The following GLYATL3 variants were observed in gnomAD, a reference collection of about 807,000 sequenced individuals.
GLYATL3 encodes the protein glycine-N-acyltransferase like 3.
In GLYATL3, 31 loss-of-function variants were observed where a neutral mutation model predicts 28.5. That is an observed-to-expected ratio of 1.09 (90% CI 0.82 to 1.47). The LOEUF (loss-of-function observed/expected upper bound fraction) is 1.47. Ranked by LOEUF, GLYATL3 falls within the 40% of genes most tolerant of loss-of-function variation. The pLI is 0.00. For synonymous variants in GLYATL3, 141 were observed against 140.2 expected (o/e 1.01, Z -0.04); for missense variants, 369 against 351.5 (o/e 1.05, Z -0.40).
Position 49,521,497 on chromosome 6 carries a change from T to C in GLYATL3, c.314-148T>C, listed in dbSNP as rs1384187569. On this transcript the variant is annotated intron_variant, in intron 4 of 5. Coordinates refer to ENST00000371197, the MANE Select transcript of GLYATL3 (RefSeq NM_001010904.2). ...AAACTTAGACAATAGCTGTAATAAT[T>C]TAGATGTAAGTATACAGTGGTTAGG... 8.6e-5 allele frequency: 48 copies of C among 558,884 alleles called. No individual in the cohort carries two copies. The Admixed American group carries it at 1.7e-3, about 19-fold the overall frequency. The allele number at this position is 558,884 out of a possible 1,614,324, so 34.6% of individuals were successfully genotyped here.
rs533801684 is a variant in GLYATL3, at chr6:49,512,689, G to C, written c.78+621G>C. 5.3e-5 allele frequency among the ~76,000 whole-genome samples: 8 copies of C among 152,268 alleles called. No homozygotes were observed. In the South Asian group the frequency reaches 1.7e-3, roughly 32 times the overall value. On this transcript the variant is annotated intron_variant, in intron 2 of 5. Transcript: ENST00000371197. Reference sequence around the variant, plus strand: ...TGCCTTTAAGAGCTGAATTTCTTGAGCAAGGAGACTGCCCTATGCCTGGTT... The same window carrying C: ...TGCCTTTAAGAGCTGAATTTCTTGACCAAGGAGACTGCCCTATGCCTGGTT...
chr6:49,511,991 ATGT>A lies in GLYATL3; in HGVS notation c.4_6del (p.Leu2?). 1.0e-5 allele frequency: 15 copies of A among 1,470,864 alleles called. No individual in the cohort carries two copies. Among genetic ancestry groups the A allele is most frequent in the Non-Finnish European group, 1.4e-5 (15 of 1,082,556 alleles). 91.1% of individuals were successfully genotyped at this position (1,470,864 alleles called of 1,614,324 possible). ...TGGAGTTGCAAGAGCTCTGGAAAAG[ATGT>A]TGGTGCTAAACTGTTCTACCAAATT... On this transcript the variant is annotated start_lost and inframe_deletion, in exon 2 of 6. Transcript: ENST00000371197.
Position 49,520,132 on chromosome 6 carries a change from A to G in GLYATL3, c.314-1513A>G, listed in dbSNP as rs557103328. Among the ~76,000 whole-genome samples, 10 of 152,322 alleles carry G rather than the reference A, an allele frequency of 6.6e-5. No homozygotes were observed. The East Asian group carries it at 1.9e-3, about 29-fold the overall frequency. On this transcript the variant is annotated intron_variant, in intron 4 of 5. Transcript: ENST00000371197. ...TAACTTGTAAAGAAGACAAAAGGACATGATCAAGAACACCATGAAGAGGCA... is the reference window on the plus strand; with the variant it reads ...TAACTTGTAAAGAAGACAAAAGGACGTGATCAAGAACACCATGAAGAGGCA...
At chr6:49,503,032 G>T (rs1018577878) in intron 1 of GLYATL3, among the ~76,000 whole-genome samples, 2 of 151,962 alleles carry the variant, frequency 1.3e-5, no homozygotes, top group African/African-American at 4.8e-5. Flanking sequence ...ATATATGGTG[G>T]TTTAACACAA....
chr6:49,506,793 C>CTA (rs1423082586), intron 1 of GLYATL3, among the ~76,000 whole-genome samples: 2 of 152,134 alleles, frequency 1.3e-5, no homozygotes, highest in Non-Finnish European at 2.9e-5. Flanking sequence ...GGCCACTGCT[C>CTA]TACCCAAACA....
intron 5 of GLYATL3, among the ~76,000 whole-genome samples, chr6:49,522,003 A>G (rs985071172): frequency 6.6e-6 from 1 of 152,122 alleles, no homozygotes; most frequent in Non-Finnish European, 1.5e-5. Context: ...ATTTGTCCAT[A>G]GTTATAAATG....
rs925710047 is a variant in GLYATL3 at position 49,509,936 on chromosome 6, C to T, written c.-28-2027C>T. On this transcript the variant is annotated intron_variant, in intron 1 of 5. Transcript: ENST00000371197. ...TAATTATTTTTCTTGATATATTTTACGTATTTTCTTTCTCTTTCTTTCTTT... is the reference window on the plus strand; with the variant it reads ...TAATTATTTTTCTTGATATATTTTATGTATTTTCTTTCTCTTTCTTTCTTT... 2.5e-4 allele frequency among the ~76,000 whole-genome samples: 27 copies of T among 108,706 alleles called. 1 individual carries two copies. Among genetic ancestry groups the T allele is most frequent in the Admixed American group, 1.1e-3 (13 of 11,746 alleles). The allele number at this position is 108,706 out of a possible 152,430, so 71.3% of individuals were successfully genotyped here. A position where few individuals can be genotyped will look rare whatever the true frequency, so the allele number is the denominator to read the frequency against.
intron 4 of GLYATL3, among the ~76,000 whole-genome samples, chr6:49,520,650 C>T (rs184618080): frequency 3.9e-5 from 6 of 152,214 alleles, no homozygotes; most frequent in African/African-American, 1.4e-4. Context: ...AGGACACAGG[C>T]TGGAAAGGAT....
In GLYATL3 at chr6:49,526,767, C is replaced by T. The variant is rs962055374; in HGVS notation, c.720C>T (p.Ser240=). ...VALTLARKLQ[S]RGFPSQGNVL... ...TCACGCTGGCCAGGAAGTTGCAAAG[C>T]CGGGGATTCCCCTCTCAGGGGAACG... Residue 240 remains serine (S), a synonymous_variant, in exon 6 of 6, where the codon AGC becomes AGT. Transcript: ENST00000371197. The T allele has an allele frequency of 1.2e-5, 19 of 1,551,802 alleles. No homozygotes were observed. Among genetic ancestry groups the T allele is most frequent in the Non-Finnish European group, 1.7e-5 (19 of 1,147,028 alleles).
At chr6:49,500,227 T>C (rs1323105610) in intron 1 of GLYATL3, among the ~76,000 whole-genome samples, 185 bp downstream of exon 1, 1 of 152,154 alleles carries the variant, frequency 6.6e-6, no homozygotes, top group East Asian at 1.9e-4. Flanking sequence ...TTTTTTTAAC[T>C]CCTAAATTTT....
At chr6:49,507,394 G>A (rs891962990) in intron 1 of GLYATL3, among the ~76,000 whole-genome samples, 1 of 152,056 alleles carries the variant, frequency 6.6e-6, no homozygotes, top group Non-Finnish European at 1.5e-5. Context: ...AGGGAACCAA[G>A]GACAATATTT....
At chr6:49,505,625 C>G (rs561251162) in intron 1 of GLYATL3, among the ~76,000 whole-genome samples, 1 of 152,318 alleles carries the variant, frequency 6.6e-6, no homozygotes, top group African/African-American at 2.4e-5. Context: ...CCAACGAAGT[C>G]AGCCAGATTA....
chr6:49,522,271 C>T (rs2127239258), intron 5 of GLYATL3, among the ~76,000 whole-genome samples: 1 of 152,156 alleles, frequency 6.6e-6, no homozygotes, highest in South Asian at 2.1e-4. Flanking sequence ...CTCCCACCCC[C>T]ACACACCTTT....
At chr6:49,503,703 G>T (rs1322955962) in intron 1 of GLYATL3, among the ~76,000 whole-genome samples, 2 of 152,130 alleles carry the variant, frequency 1.3e-5, no homozygotes, top group Admixed American at 6.5e-5. Context: ...GGACACACAG[G>T]TCCTAAAGGC....
chr6:49,525,560 CAAAAAAAAAAAAAAAAAAA>C (rs56711143), intron 5 of GLYATL3, among the ~76,000 whole-genome samples: 15 of 66,594 alleles, frequency 2.3e-4, no homozygotes, highest in African/African-American at 7.9e-4. Context: ...GCAAGGCTCT[CAAAAAAAAAAAAAAAAAAA>C]AAAAAAAAAA....
chr6:49,513,080 G>A (rs1306295260), intron 2 of GLYATL3, among the ~76,000 whole-genome samples: 4 of 152,222 alleles, frequency 2.6e-5, no homozygotes, highest in African/African-American at 9.6e-5. Flanking sequence ...TTAATAATAT[G>A]TCCAAATAAT....
chr6:49,503,969 A>G (rs1768961423), intron 1 of GLYATL3, among the ~76,000 whole-genome samples: 1 of 152,218 alleles, frequency 6.6e-6, no homozygotes, highest in African/African-American at 2.4e-5. Context: ...AGAACCAGGC[A>G]TCCAAATACT....
At chr6:49,501,164 C>G (rs1447885339) in intron 1 of GLYATL3, among the ~76,000 whole-genome samples, 1 of 152,068 alleles carries the variant, frequency 6.6e-6, no homozygotes, top group African/African-American at 2.4e-5. Flanking sequence ...CTTTGGGGGG[C>G]CAAGGCAGGT....
At chr6:49,504,371 GA>G (rs1768971984) in intron 1 of GLYATL3, among the ~76,000 whole-genome samples, 1 of 151,870 alleles carries the variant, frequency 6.6e-6, no homozygotes, top group Admixed American at 6.6e-5. Flanking sequence ...ATCCAAACAG[GA>G]GATTGATATT....
Sources: allele counts gnomAD v4.1 joint callset (sites outside exome capture counted in the v4.1 genomes callset), GRCh38; gene constraint gnomAD v4.1.1; transcripts MANE v1.5; gene names NCBI Gene and HGNC (gene_info 2026-07-23, HGNC 2026-07-21).